FNBP1L: variants seen among roughly 807,000 people sequenced by gnomAD.
FNBP1L encodes formin-binding protein 1-like.
Under a neutral mutation model 91.2 loss-of-function variants are expected in FNBP1L, and 36 were observed. The observed-to-expected ratio is 0.39, with a 90% confidence interval of 0.30 to 0.52. The LOEUF (loss-of-function observed/expected upper bound fraction) is 0.52. Among genes scored for constraint, FNBP1L ranks in the 20% least tolerant of loss-of-function variants. The probability of loss-of-function intolerance (pLI) is 0.66; values close to 1 mark genes in which losing one functional copy is unlikely to be tolerated. For missense variants in FNBP1L, 571 were observed against 732.1 expected (o/e 0.78, Z 2.54); for synonymous variants, 242 against 237.0 (o/e 1.02, Z -0.19).
At chr1:93,549,638 T>TA (rs1170108572) in intron 15 of FNBP1L, among the ~76,000 whole-genome samples, 2 of 152,236 alleles carry the variant, frequency 1.3e-5, no homozygotes, top group African/African-American at 4.8e-5. Flanking sequence ...TTGCCCACGT[T>TA]ACTAGCATCC....
chr1:93,528,167 TAACTC>T (rs764211851), intron 5 of FNBP1L, among the ~76,000 whole-genome samples: 8 of 151,830 alleles, frequency 5.3e-5, no homozygotes, highest in African/African-American at 1.2e-4. Flanking sequence ...AGGACAAAAA[TAACTC>T]AAGAAAGTTT....
chr1:93,490,108 T>A (rs1312195835), intron 1 of FNBP1L, among the ~76,000 whole-genome samples: 1 of 152,190 alleles, frequency 6.6e-6, no homozygotes, highest in Non-Finnish European at 1.5e-5. Context: ...TGTATCAAAG[T>A]AATTGGGAAA....
At chr1:93,549,226 T>C in intron 14 of FNBP1L, 52 bp from the exon 15 acceptor site, 1 of 1,428,236 alleles carries the variant, frequency 7.0e-7, no homozygotes, top group Non-Finnish European at 9.5e-7. Context: ...AAATAATATA[T>C]AGAATTCTCA....
chr1:93,549,755 G>GCT (rs1672349092), intron 15 of FNBP1L, among the ~76,000 whole-genome samples: 1 of 152,196 alleles, frequency 6.6e-6, no homozygotes, highest in Non-Finnish European at 1.5e-5. Flanking sequence ...TGAACATGTA[G>GCT]CTCAACCCAG....
chr1:93,551,683 C>CA, intron 16 of FNBP1L: 2 of 984,738 alleles, frequency 2.0e-6, no homozygotes, highest in Non-Finnish European at 2.4e-6. Flanking sequence ...AGAAAATGAG[C>CA]AGGTAGCACA....
chr1:93,450,730 A>G (rs2101678555), intron 1 of FNBP1L, among the ~76,000 whole-genome samples: 1 of 152,376 alleles, frequency 6.6e-6, no homozygotes, highest in South Asian at 2.1e-4. Context: ...GAATCACATT[A>G]CTGTCCCAAA....
At chr1:93,541,177 T>A in intron 11 of FNBP1L, 121 bp downstream of exon 11, 1 of 944,876 alleles carries the variant, frequency 1.1e-6, no homozygotes, top group East Asian at 2.6e-5. Context: ...GTGTTTTTTC[T>A]TTTTATAGTT....
chr1:93,482,985 T>G (rs2101709567), intron 1 of FNBP1L, among the ~76,000 whole-genome samples: 1 of 146,446 alleles, frequency 6.8e-6, no homozygotes, highest in Middle Eastern at 3.6e-3. Context: ...GCCACTGCAG[T>G]CCAGCCTGGA....
chr1:93,482,049 A>C (rs1411819957), intron 1 of FNBP1L, among the ~76,000 whole-genome samples: 1 of 151,974 alleles, frequency 6.6e-6, no homozygotes, highest in Non-Finnish European at 1.5e-5. Flanking sequence ...AGTCCCAGCT[A>C]CTCGGGGGGC....
At chr1:93,509,331 G>A (rs1169900970) in intron 2 of FNBP1L, among the ~76,000 whole-genome samples, 2 of 152,186 alleles carry the variant, frequency 1.3e-5, no homozygotes, top group African/African-American at 4.8e-5. Context: ...CAGAGAATGA[G>A]GGAGCCCAGA....
chr1:93,545,785 C>T (rs1672202970), intron 12 of FNBP1L, among the ~76,000 whole-genome samples: 1 of 150,552 alleles, frequency 6.6e-6, no homozygotes, highest in South Asian at 2.1e-4. Flanking sequence ...AGAATCATTT[C>T]AAAGCCAAAG....
intron 1 of FNBP1L, among the ~76,000 whole-genome samples, chr1:93,493,043 C>T (rs144151786): frequency 2.5e-3 from 373 of 152,188 alleles, no homozygotes; most frequent in African/African-American, 8.5e-3. Flanking sequence ...GCAGGAGGAT[C>T]GCTTGAACTC....
chr1:93,460,948 TTAAAAA>T (rs1316633688), intron 1 of FNBP1L, among the ~76,000 whole-genome samples: 1 of 152,226 alleles, frequency 6.6e-6, no homozygotes. Flanking sequence ...TACTTGTCAA[TTAAAAA>T]TAAAAATAGG....
At chr1:93,540,645 AG>A (rs1440120604) in intron 10 of FNBP1L, among the ~76,000 whole-genome samples, 2 of 152,112 alleles carry the variant, frequency 1.3e-5, no homozygotes, top group Non-Finnish European at 2.9e-5. Context: ...ATTTCACATA[AG>A]ATTTCTTTTT....
intron 1 of FNBP1L, among the ~76,000 whole-genome samples, chr1:93,461,286 AG>A (rs1668851119): frequency 6.6e-6 from 1 of 152,114 alleles, no homozygotes; most frequent in South Asian, 2.1e-4. Flanking sequence ...GGGTCTTCCC[AG>A]GGTAGAAGCA....
chr1:93,515,397 C>G (rs1485856718), intron 2 of FNBP1L, among the ~76,000 whole-genome samples: 2 of 151,644 alleles, frequency 1.3e-5, no homozygotes, highest in East Asian at 3.9e-4. Context: ...CCATTTGACC[C>G]AGCCATCCCA....
intron 8 of FNBP1L, among the ~76,000 whole-genome samples, chr1:93,534,485 A>G (rs1008244747): frequency 2.6e-5 from 4 of 152,110 alleles, no homozygotes; most frequent in African/African-American, 9.7e-5. Context: ...AATATTATAA[A>G]TTAATTAAGT....
chr1:93,490,434 A>T (rs1323458494), intron 1 of FNBP1L, among the ~76,000 whole-genome samples: 1 of 152,204 alleles, frequency 6.6e-6, no homozygotes, highest in Non-Finnish European at 1.5e-5. Context: ...ACAGAAAATG[A>T]GCTTTCTTGA....
chr1:93,460,900 TGTAAGAATAGTTTTA>T (rs1349081857), intron 1 of FNBP1L, among the ~76,000 whole-genome samples: 1 of 152,246 alleles, frequency 6.6e-6, no homozygotes, highest in African/African-American at 2.4e-5. Context: ...TGAAAGTTGC[TGTAAGAATAGTTTTA>T]TATCATAAAT....
Sources: allele counts gnomAD v4.1 joint callset (sites outside exome capture counted in the v4.1 genomes callset), GRCh38; gene constraint gnomAD v4.1.1; transcripts MANE v1.5; gene names NCBI Gene and HGNC (gene_info 2026-07-23, HGNC 2026-07-21).